The following PAK5 variants were observed in gnomAD, a reference collection of about 807,000 sequenced individuals.
The protein encoded by PAK5 is p21 (RAC1) activated kinase 5.
Under a neutral mutation model 65.9 loss-of-function variants are expected in PAK5, and 16 were observed. The observed-to-expected ratio is 0.24, with a 90% CI of 0.16 to 0.37. PAK5 has a LOEUF of 0.37. Among genes scored for constraint, PAK5 ranks in the 10% least tolerant of loss-of-function variants. The pLI, the probability that PAK5 is intolerant of heterozygous loss-of-function variation, is 1.00. For synonymous variants in PAK5, 371 were observed against 354.9 expected (o/e 1.05, Z -0.51); for missense variants, 785 against 903.9 (o/e 0.87, Z 1.69).
rs370316497 is a variant in PAK5, at chr20:9,692,759, G to T, written c.-12+18527C>A. On this transcript the variant is annotated intron_variant, in intron 2 of 9. Transcript: ENST00000353224. The stretch of plus-strand genomic sequence containing the variant: ...GACAAAGTTCCAAAACTGGGAGGAA[G>T]GATGTTATCCTAGAATGAGTGAGAG... Among the ~76,000 whole-genome samples the T allele has an allele frequency of 7.9e-5, 12 of 152,086 alleles. No homozygotes were observed. The East Asian group carries it at 9.6e-4, about 12-fold the overall frequency.
intron 1 of PAK5, among the ~76,000 whole-genome samples, chr20:9,780,838 T>G (rs2123697459): frequency 6.6e-6 from 1 of 152,244 alleles, no homozygotes. Flanking sequence ...TGTCATAAAC[T>G]TCAAAATTTA....
intron 1 of PAK5, among the ~76,000 whole-genome samples, chr20:9,770,639 T>G (rs982240775): frequency 7.9e-5 from 12 of 152,146 alleles, no homozygotes; most frequent in African/African-American, 2.7e-4. Flanking sequence ...AGGAGCAATG[T>G]GTGCCTAGAA....
At chr20:9,835,373 G>C (rs187347847) in intron 1 of PAK5, among the ~76,000 whole-genome samples, 1 of 152,282 alleles carries the variant, frequency 6.6e-6, no homozygotes, top group African/African-American at 2.4e-5. Context: ...GTATGACCCA[G>C]ACTGGTAAAA....
At chr20:9,782,343 G>A (rs2048949612) in intron 1 of PAK5, among the ~76,000 whole-genome samples, 1 of 152,134 alleles carries the variant, frequency 6.6e-6, no homozygotes, top group East Asian at 1.9e-4. Flanking sequence ...CCCATCCAAC[G>A]ATTCTTACCT....
At chr20:9,731,631 T>C (rs535875939) in intron 1 of PAK5, among the ~76,000 whole-genome samples, 60 of 152,320 alleles carry the variant, frequency 3.9e-4, no homozygotes, top group African/African-American at 1.2e-3. Flanking sequence ...TAAAACATGT[T>C]GATAGAAATT....
chr20:9,615,610 T>C (rs1324967906), intron 3 of PAK5, among the ~76,000 whole-genome samples: 1 of 152,246 alleles, frequency 6.6e-6, no homozygotes, highest in South Asian at 2.1e-4. Flanking sequence ...AAGTAAAAAC[T>C]ATAACAAAAA....
At chr20:9,830,190 T>G (rs1278119386) in intron 1 of PAK5, among the ~76,000 whole-genome samples, 1 of 152,228 alleles carries the variant, frequency 6.6e-6, no homozygotes, top group Non-Finnish European at 1.5e-5. Flanking sequence ...GGACCTGTCT[T>G]GCTAATTTAA....
intron 1 of PAK5, among the ~76,000 whole-genome samples, chr20:9,754,637 G>A (rs927778958): frequency 1.3e-4 from 20 of 152,092 alleles, no homozygotes; most frequent in South Asian, 1.0e-3. Context: ...TAATCTTGTC[G>A]TTAATTTGTT....
intron 7 of PAK5, among the ~76,000 whole-genome samples, chr20:9,546,518 G>T (rs2045347209): frequency 6.6e-6 from 1 of 152,188 alleles, no homozygotes; most frequent in Non-Finnish European, 1.5e-5. Flanking sequence ...ATGAGTGGTA[G>T]TGAAACCCTT....
At chr20:9,607,672 A>G (rs935294982) in intron 3 of PAK5, among the ~76,000 whole-genome samples, 1 of 152,036 alleles carries the variant, frequency 6.6e-6, no homozygotes, top group African/African-American at 2.4e-5. Flanking sequence ...ATTTTAAAAA[A>G]TTAGCCAGGC....
intron 1 of PAK5, among the ~76,000 whole-genome samples, chr20:9,720,310 A>G (rs1009447802): frequency 9.2e-5 from 14 of 152,166 alleles, no homozygotes. Context: ...AATCCCAATA[A>G]TACTGGAAGG....
chr20:9,619,617 C>A (rs538624257), intron 3 of PAK5, among the ~76,000 whole-genome samples: 1 of 152,314 alleles, frequency 6.6e-6, no homozygotes, highest in East Asian at 1.9e-4. Flanking sequence ...TCCAAGGCAG[C>A]CCCTTGCATT....
chr20:9,555,106 C>T (rs531520744), intron 7 of PAK5, among the ~76,000 whole-genome samples: 1 of 152,270 alleles, frequency 6.6e-6, no homozygotes, highest in Admixed American at 6.5e-5. Flanking sequence ...TCCCAGTCCC[C>T]AAATAAGCTT....
chr20:9,694,025 C>A (rs913140491), intron 2 of PAK5, among the ~76,000 whole-genome samples: 3 of 151,620 alleles, frequency 2.0e-5, no homozygotes, highest in Non-Finnish European at 4.4e-5. Context: ...CAAGTTGAAT[C>A]ACATAAGATC....
chr20:9,668,792 T>C (rs2047453863), intron 2 of PAK5, among the ~76,000 whole-genome samples: 1 of 152,184 alleles, frequency 6.6e-6, no homozygotes, highest in South Asian at 2.1e-4. Flanking sequence ...ATGCTTTCAG[T>C]TTTGTTAATT....
intron 7 of PAK5, among the ~76,000 whole-genome samples, chr20:9,547,595 T>C (rs908708646): frequency 6.6e-6 from 1 of 152,184 alleles, no homozygotes; most frequent in Non-Finnish European, 1.5e-5. Flanking sequence ...TCTGCTGCTC[T>C]GAAGAGCAAA....
chr20:9,703,689 C>T (rs534687797), intron 2 of PAK5, among the ~76,000 whole-genome samples: 1 of 152,220 alleles, frequency 6.6e-6, no homozygotes, highest in African/African-American at 2.4e-5. Flanking sequence ...TCTTCTTCTG[C>T]CTCTTGAACT....
At chr20:9,773,884 C>T (rs147361863) in intron 1 of PAK5, among the ~76,000 whole-genome samples, 5 of 152,316 alleles carry the variant, frequency 3.3e-5, no homozygotes, top group Admixed American at 1.3e-4. Flanking sequence ...GATGTGTGCT[C>T]AGGCAGTCTG....
chr20:9,681,125 A>G (rs2047644071), intron 2 of PAK5, among the ~76,000 whole-genome samples: 1 of 152,200 alleles, frequency 6.6e-6, no homozygotes, highest in African/African-American at 2.4e-5. Flanking sequence ...TGATTCTTCA[A>G]TAAAGTATAA....
Sources: gnomAD v4.1 joint callset for allele counts (sites outside exome capture counted in the v4.1 genomes callset) on GRCh38, gnomAD v4.1.1 for gene constraint, MANE v1.5 for transcripts, NCBI Gene and HGNC (gene_info 2026-07-23, HGNC 2026-07-21) for gene names.